The following AKR1C2 variants were observed in gnomAD, a reference collection of about 807,000 sequenced individuals.
AKR1C2 encodes the protein aldo-keto reductase family 1 member C2.
In AKR1C2, 27 loss-of-function variants were observed where a neutral mutation model predicts 39.8. The observed-to-expected ratio is 0.68, with a 90% CI of 0.50 to 0.93. The LOEUF (loss-of-function observed/expected upper bound fraction) is 0.93, where lower values mean the gene tolerates loss of function less well. AKR1C2 is among the 40% of genes least tolerant of loss of function. The pLI is 0.00. For missense variants in AKR1C2, 263 were observed against 365.1 expected, an observed-to-expected ratio of 0.72 and a Z score of 2.28; for synonymous variants, 114 against 137.9, an observed-to-expected ratio of 0.83 and a Z score of 1.22.
chr10:5,012,066 T>G (rs1405410391), intron 1 of AKR1C2, among the ~76,000 whole-genome samples: 2 of 152,028 alleles, frequency 1.3e-5, no homozygotes, highest in Non-Finnish European at 2.9e-5. Flanking sequence ...AAGGGTAAAC[T>G]AAGGGAATAA....
chr10:4,989,199 C>G lies in AKR1C2; in HGVS notation c.*797G>C, dbSNP rs1305143116. The G allele has an allele frequency of 6.6e-6, 1 of 152,150 alleles. No individual in the cohort carries two copies. The highest frequency in any genetic ancestry group is 1.5e-5 in the Non-Finnish European group (1 of 68,038). The allele number at this position is 152,150 out of a possible 1,614,324, so 9.4% of individuals were successfully genotyped here. ...ATGATATCTTCGATGTCCTGCCCCA[C>G]CACAAACCAATAGGGTCAACGTTGT... On this transcript the variant is annotated 3_prime_UTR_variant, in exon 9 of 9. Transcript: ENST00000380753.
intron 2 of AKR1C2, among the ~76,000 whole-genome samples, chr10:5,000,869 A>G (rs1255982646): frequency 6.6e-6 from 1 of 152,220 alleles, no homozygotes; most frequent in Admixed American, 6.6e-5. Context: ...TAGTACATAT[A>G]TTGAATGAAA....
upstream of AKR1C2, among the ~76,000 whole-genome samples, chr10:5,005,698 A>C (rs1330014454): frequency 2.0e-5 from 3 of 152,202 alleles, no homozygotes; most frequent in Non-Finnish European, 4.4e-5. Flanking sequence ...ATAAAATGAC[A>C]AGGCATACAA....
At chr10:4,995,617 C>T in intron 6 of AKR1C2, 133 bp from the exon 7 acceptor site, 1 of 1,329,462 alleles carries the variant, frequency 7.5e-7, no homozygotes, top group Non-Finnish European at 1.0e-6. Flanking sequence ...GCCTCAACAT[C>T]ACCTGGGATC....
chr10:5,016,250 T>C (rs1226407656), intron 1 of AKR1C2, among the ~76,000 whole-genome samples: 10 of 152,176 alleles, frequency 6.6e-5, no homozygotes, highest in African/African-American at 2.4e-4. Context: ...AGCTCAAAAG[T>C]CCAATTCTAA....
intron 6 of AKR1C2, 72 bp downstream of exon 6, chr10:4,995,684 A>C (rs1264934072): frequency 3.4e-6 from 5 of 1,484,704 alleles, no homozygotes; most frequent in South Asian, 2.6e-5. Context: ...GAACTCCAGG[A>C]AACAGCATGA....
intron 1 of AKR1C2, chr10:5,015,720 T>G (rs1837625564): frequency 6.6e-6 from 1 of 152,150 alleles, no homozygotes; most frequent in African/African-American, 2.4e-5. Flanking sequence ...GTGAGAATAG[T>G]GAAACTTTGC....
chr10:5,016,479 A>G (rs1376643502), intron 1 of AKR1C2, among the ~76,000 whole-genome samples: 1 of 152,056 alleles, frequency 6.6e-6, no homozygotes, highest in Non-Finnish European at 1.5e-5. Flanking sequence ...ATCTCTATTG[A>G]CTCCATGTCT....
upstream of AKR1C2, among the ~76,000 whole-genome samples, chr10:5,004,236 T>G (rs1554774194): frequency 6.6e-6 from 1 of 152,246 alleles, no homozygotes; most frequent in African/African-American, 2.4e-5. Flanking sequence ...TTGCAGCATT[T>G]GAAATGACTA....
Position 4,989,999 on chromosome 10 carries a change from A to G in AKR1C2, c.969T>C (p.Tyr323=). Residue 323 remains tyrosine, a synonymous_variant, in exon 9 of 9, where the codon TAT becomes TAC. Coordinates refer to ENST00000380753, the MANE Select transcript of AKR1C2 (RefSeq NM_001393392.1). The part of the protein sequence containing the change: ...GPPNYPFSDE[Y] ...ACCTCATGCAATGCCCTCCATGTTA[A>G]TATTCATCAGAAAATGGATAATTAG... is the stretch of plus-strand genomic sequence containing the variant. 1.2e-6 allele frequency: 2 copies of G among 1,609,238 alleles called. No homozygotes were observed. The highest frequency in any genetic ancestry group is 1.3e-5 in the African/African-American group (1 of 74,562).
At chr10:5,010,477 G>C (rs1217327907) in intron 1 of AKR1C2, 2 of 152,072 alleles carry the variant, frequency 1.3e-5, no homozygotes, top group Admixed American at 1.3e-4. Flanking sequence ...AGGCTGGGTG[G>C]AGGCTGCTGC....
At chr10:5,004,296 G>T (rs562003543), upstream of AKR1C2, among the ~76,000 whole-genome samples, 1 of 152,196 alleles carries the variant, frequency 6.6e-6, no homozygotes, top group Non-Finnish European at 1.5e-5. Flanking sequence ...AATGACTAAT[G>T]AGCATTTCTT....
Position 4,995,768 on chromosome 10 carries a change from C to G in AKR1C2, c.668G>C (p.Arg223Pro), listed in dbSNP as rs782570336. ...LVAYSALGSH[R>P]EEPWVDPNSP... ...TATCTCTTATTACCATGGTTCTTCT[C>G]GATGGGATCCCAGAGCACTATAGGC... The change falls in exon 6 of 9, where the codon CGA becomes CCA. Residue 223 changes from arginine to proline, a missense_variant. By Grantham distance (103) the Arg-to-Pro change is moderately radical. Transcript: ENST00000380753. 6.2e-7 allele frequency: 1 copy of G among 1,611,722 alleles called. No individual in the cohort carries two copies.
chr10:5,012,755 C>T (rs1198170256), intron 1 of AKR1C2, among the ~76,000 whole-genome samples: 1 of 152,186 alleles, frequency 6.6e-6, no homozygotes, highest in African/African-American at 2.4e-5. Context: ...TAATTTTTTA[C>T]TGCAGAAATA....
Position 5,003,782 on chromosome 10 carries a change from G to A in AKR1C2, c.54C>T (p.Val18=), listed in dbSNP as rs138499660. ...VKLNDGHFMP[V]LGFGTYAPAE... ...CAGGCGCATAGGTGCCAAATCCCAG[G>A]ACAGGCATGAAGTGACCATCATTCA... is the stretch of plus-strand genomic sequence containing the variant. The change falls in exon 1 of 9, where the codon GTC becomes GTT. Residue 18 remains valine, a synonymous_variant. Coordinates refer to ENST00000380753, the MANE Select transcript of AKR1C2 (RefSeq NM_001393392.1). 27 of 1,614,000 alleles carry A rather than the reference G, an allele frequency of 1.7e-5. No homozygotes were observed. In the Middle Eastern group the frequency reaches 6.6e-4, roughly 39 times the overall value.
intron 2 of AKR1C2, among the ~76,000 whole-genome samples, chr10:5,000,943 A>G (rs1837250228): frequency 6.6e-6 from 1 of 152,224 alleles, no homozygotes; most frequent in African/African-American, 2.4e-5. Flanking sequence ...TATCTGAATT[A>G]TCTTTGGTAA....
rs1419429753 is a variant in AKR1C2, at chr10:4,989,735, C to G, written c.*261G>C. The stretch of plus-strand genomic sequence containing the variant: ...TCACAATTTGGGGGCACTAGTGTGT[C>G]AGAAGGAGAGAAAACATAGAAGTTA... On this transcript the variant is annotated 3_prime_UTR_variant, in exon 9 of 9. Coordinates refer to ENST00000380753, the MANE Select transcript of AKR1C2 (RefSeq NM_001393392.1). 2.2e-5 allele frequency: 12 copies of G among 544,182 alleles called. No individual in the cohort carries two copies. Among genetic ancestry groups the G allele is most frequent in the Non-Finnish European group, 3.5e-5 (11 of 310,530 alleles). The allele number at this position is 544,182 out of a possible 1,614,324, so 33.7% of individuals were successfully genotyped here. A position where few individuals can be genotyped will look rare whatever the true frequency, so the allele number is the denominator to read the frequency against.
At chr10:5,012,759 A>G (rs1837550245) in intron 1 of AKR1C2, among the ~76,000 whole-genome samples, 1 of 152,220 alleles carries the variant, frequency 6.6e-6, no homozygotes, top group African/African-American at 2.4e-5. Context: ...TTTTTACTGC[A>G]GAAATAAGAA....
intron 7 of AKR1C2, among the ~76,000 whole-genome samples, chr10:4,994,334 T>C (rs1564327439): frequency 6.6e-6 from 1 of 152,178 alleles, no homozygotes; most frequent in Non-Finnish European, 1.5e-5. Flanking sequence ...ATATAAATGA[T>C]AGATTAATTA....
Sources: gnomAD v4.1 joint callset for allele counts (sites outside exome capture counted in the v4.1 genomes callset) on GRCh38, gnomAD v4.1.1 for gene constraint, MANE v1.5 for transcripts, NCBI Gene and HGNC (gene_info 2026-07-23, HGNC 2026-07-21) for gene names.